The following NLGN1 variants were observed in gnomAD, a reference collection of about 807,000 sequenced individuals.
NLGN1 encodes neuroligin 1.
NLGN1 carries 12 observed loss-of-function variants against 65.5 expected under a neutral mutation model. The ratio of observed to expected loss-of-function variants is 0.18; its 90% CI spans 0.12 to 0.30. The LOEUF is 0.30. Ranked by LOEUF, NLGN1 falls within the 10% of genes least tolerant of loss-of-function variation. The pLI is 1.00. For synonymous variants in NLGN1, 350 were observed against 359.5 expected, an observed-to-expected ratio of 0.97 and a Z score of 0.30; for missense variants, 750 against 1,007.1, an observed-to-expected ratio of 0.74 and a Z score of 3.46.
At chr3:173,518,530 A>G (rs550291419) in intron 2 of NLGN1, among the ~76,000 whole-genome samples, 4 of 148,840 alleles carry the variant, frequency 2.7e-5, no homozygotes, top group South Asian at 2.1e-4. Flanking sequence ...GAGTATGTGT[A>G]TGTGTGTGTG....
intron 4 of NLGN1, among the ~76,000 whole-genome samples, chr3:174,130,148 G>C (rs1393800071): frequency 6.6e-6 from 1 of 152,214 alleles, no homozygotes; most frequent in Non-Finnish European, 1.5e-5. Flanking sequence ...GCCAAGGCAG[G>C]TGGAGCACCT....
intron 3 of NLGN1, among the ~76,000 whole-genome samples, chr3:173,721,084 A>G (rs145777499): frequency 5.1e-4 from 77 of 152,358 alleles, no homozygotes; most frequent in African/African-American, 1.7e-3. Context: ...ATATGCACAC[A>G]ACGCTATGAT....
intron 1 of NLGN1, among the ~76,000 whole-genome samples, chr3:173,421,719 C>T (rs1339445669): frequency 4.0e-5 from 6 of 151,662 alleles, no homozygotes; most frequent in African/African-American, 9.7e-5. Flanking sequence ...AGGGTTTTGG[C>T]GTGTTGCCTC....
chr3:173,813,928 C>A (rs1459104220), intron 4 of NLGN1, among the ~76,000 whole-genome samples: 2 of 152,198 alleles, frequency 1.3e-5, no homozygotes, highest in Non-Finnish European at 2.9e-5. Flanking sequence ...GTCTTCGTGT[C>A]ATTATAAGAT....
chr3:173,486,066 A>C (rs982656619), intron 2 of NLGN1, among the ~76,000 whole-genome samples: 1 of 151,818 alleles, frequency 6.6e-6, no homozygotes, highest in Non-Finnish European at 1.5e-5. Context: ...TATTTTTGAG[A>C]TGGAGTCTCA....
chr3:173,691,126 T>C (rs1461244842), intron 3 of NLGN1, among the ~76,000 whole-genome samples: 1 of 152,168 alleles, frequency 6.6e-6, no homozygotes, highest in Non-Finnish European at 1.5e-5. Flanking sequence ...TGTTGGCTTC[T>C]AAGAGGGGGA....
chr3:174,088,358 C>T (rs1221738355), intron 4 of NLGN1, among the ~76,000 whole-genome samples: 2 of 152,156 alleles, frequency 1.3e-5, no homozygotes, highest in East Asian at 3.8e-4. Context: ...GGACATGTTA[C>T]AAGTTCCCAT....
intron 3 of NLGN1, among the ~76,000 whole-genome samples, chr3:173,626,729 C>T (rs1754878068): frequency 6.6e-6 from 1 of 152,048 alleles, no homozygotes; most frequent in Non-Finnish European, 1.5e-5. Flanking sequence ...AAAATGATGT[C>T]ACCATTTGGA....
intron 2 of NLGN1, among the ~76,000 whole-genome samples, chr3:173,458,265 T>G (rs1479132253): frequency 6.6e-6 from 1 of 150,820 alleles, no homozygotes; most frequent in African/African-American, 2.5e-5. Flanking sequence ...TTCTTTTGCT[T>G]TGTTTTGTTT....
chr3:174,264,236 G>T (rs1388525757), intron 4 of NLGN1, among the ~76,000 whole-genome samples: 2 of 151,576 alleles, frequency 1.3e-5, no homozygotes, highest in Non-Finnish European at 2.9e-5. Flanking sequence ...GGCCTGCCTT[G>T]CTAGATTGGG....
At chr3:173,849,506 G>T (rs1726477303) in intron 4 of NLGN1, among the ~76,000 whole-genome samples, 1 of 151,914 alleles carries the variant, frequency 6.6e-6, no homozygotes, top group South Asian at 2.1e-4. Flanking sequence ...CACGTTACTA[G>T]AAACTTGTTT....
At chr3:173,596,464 G>T (rs532745223) in intron 2 of NLGN1, among the ~76,000 whole-genome samples, 27 of 152,234 alleles carry the variant, frequency 1.8e-4, no homozygotes, top group African/African-American at 6.3e-4. Flanking sequence ...TTGTTTTATT[G>T]AAGGATGTTA....
chr3:173,840,449 T>C (rs1238630224), intron 4 of NLGN1, among the ~76,000 whole-genome samples: 3 of 152,198 alleles, frequency 2.0e-5, no homozygotes, highest in African/African-American at 7.2e-5. Flanking sequence ...GAGTAATCAC[T>C]GTGAAGTTAG....
intron 4 of NLGN1, among the ~76,000 whole-genome samples, chr3:173,942,894 T>C (rs1746414878): frequency 6.6e-6 from 1 of 152,156 alleles, no homozygotes; most frequent in Non-Finnish European, 1.5e-5. Context: ...TATTCTCTTT[T>C]TGGACTGACA....
chr3:174,266,574 G>A (rs1251896951), intron 4 of NLGN1, among the ~76,000 whole-genome samples: 5 of 152,020 alleles, frequency 3.3e-5, no homozygotes, highest in Non-Finnish European at 7.4e-5. Flanking sequence ...GTATATACCC[G>A]GTAGTGGGAT....
intron 3 of NLGN1, among the ~76,000 whole-genome samples, chr3:173,645,274 G>T (rs913038804): frequency 1.3e-5 from 2 of 152,188 alleles, no homozygotes; most frequent in Non-Finnish European, 2.9e-5. Context: ...ACTTTCCCTT[G>T]TCTCCTCTCC....
intron 4 of NLGN1, among the ~76,000 whole-genome samples, chr3:173,919,136 C>A (rs1374622688): frequency 1.3e-5 from 2 of 151,258 alleles, no homozygotes; most frequent in Non-Finnish European, 2.9e-5. Context: ...ATCTCTATAT[C>A]TCAAGATCCT....
chr3:174,286,633 C>A (rs1752151952), exon 7 of NLGN1: 1 of 151,474 alleles, frequency 6.6e-6, no homozygotes, highest in Non-Finnish European at 1.5e-5. Flanking sequence ...TAAATATTAC[C>A]ATGTTTTCCA....
intron 3 of NLGN1, among the ~76,000 whole-genome samples, chr3:173,628,861 T>G (rs1755209899): frequency 1.3e-5 from 2 of 151,896 alleles, no homozygotes; most frequent in South Asian, 2.1e-4. Flanking sequence ...GCCCAGCTAA[T>G]TTTTGTATTT....
Sources: allele counts gnomAD v4.1 joint callset (sites outside exome capture counted in the v4.1 genomes callset), GRCh38; gene constraint gnomAD v4.1.1; transcripts MANE v1.5; gene names NCBI Gene and HGNC (gene_info 2026-07-23, HGNC 2026-07-21).